THRA: variants seen among roughly 807,000 people sequenced by gnomAD.
The protein encoded by THRA is thyroid hormone receptor alpha, also known as EAR-7.
THRA carries 13 observed loss-of-function variants against 45.0 expected under a neutral mutation model. That is an observed-to-expected ratio of 0.29 (90% confidence interval 0.19 to 0.46). The LOEUF (loss-of-function observed/expected upper bound fraction) is 0.46. THRA is among the 20% of genes least tolerant of loss of function. The pLI is 1.00. For synonymous variants in THRA, 195 were observed against 214.0 expected (o/e 0.91, Z 0.78); for missense variants, 278 against 556.1 (o/e 0.50, Z 5.03).
chr17:40,090,061 G>C lies in THRA; in HGVS notation c.*605G>C. ...GAGAAAAATACAAAAAAGAGAGAGC[G>C]AGCGATAGAGAGAGATGATATTAAG... On this transcript the variant is annotated 3_prime_UTR_variant, in exon 9 of 9. Transcript: ENST00000450525. 1.0e-6 allele frequency: 1 copy of C among 981,048 alleles called. No individual in the cohort carries two copies. Among genetic ancestry groups the C allele is most frequent in the Non-Finnish European group, 1.2e-6 (1 of 825,428 alleles). The allele number at this position is 981,048 out of a possible 1,614,324, so 60.8% of individuals were successfully genotyped here.
At chr17:40,065,806 C>T (rs1051505481) in intron 1 of THRA, among the ~76,000 whole-genome samples, 12 of 152,214 alleles carry the variant, frequency 7.9e-5, no homozygotes, top group Admixed American at 7.8e-4. Context: ...CATGCTGACC[C>T]CTCGGGCCTG....
At chr17:40,083,795 C>T (rs758361704) in intron 4 of THRA, 40 bp from the exon 5 acceptor site, 7 of 1,557,888 alleles carry the variant, frequency 4.5e-6, no homozygotes, top group African/African-American at 4.1e-5. Flanking sequence ...AAGGGGAAGC[C>T]ATGTCATGAT....
intron 7 of THRA, among the ~76,000 whole-genome samples, chr17:40,087,365 C>A (rs554928032): frequency 6.8e-6 from 1 of 145,992 alleles, no homozygotes; most frequent in East Asian, 2.1e-4. Flanking sequence ...GATACATAGA[C>A]ACACACCTAG....
intron 8 of THRA, among the ~76,000 whole-genome samples, chr17:40,088,943 C>A (rs1054085964): frequency 4.0e-5 from 6 of 150,012 alleles, no homozygotes; most frequent in Non-Finnish European, 7.4e-5. Flanking sequence ...CTCTCTCCCC[C>A]AGCCCCCGGC....
chr17:40,068,419 C>T (rs1213177048), intron 1 of THRA, among the ~76,000 whole-genome samples: 1 of 152,262 alleles, frequency 6.6e-6, no homozygotes, highest in African/African-American at 2.4e-5. Context: ...AGACAGTTCT[C>T]AGTCTCTCAC....
intron 1 of THRA, among the ~76,000 whole-genome samples, chr17:40,069,776 A>G (rs926133352): frequency 2.0e-5 from 3 of 151,970 alleles, no homozygotes; most frequent in African/African-American, 7.3e-5. Context: ...ACCACCCACC[A>G]GTGGTCATGG....
chr17:40,087,206 GACACAC>G (rs142111613), intron 7 of THRA, among the ~76,000 whole-genome samples: 1 of 102,322 alleles, frequency 9.8e-6, no homozygotes, highest in African/African-American at 3.8e-5. Flanking sequence ...CCAGCACACA[GACACAC>G]ACACACACAC....
intron 2 of THRA, among the ~76,000 whole-genome samples, chr17:40,074,855 G>C (rs1457130812): frequency 6.6e-6 from 1 of 152,202 alleles, no homozygotes; most frequent in Non-Finnish European, 1.5e-5. Context: ...CCCTTACCTT[G>C]AGCATGTGGG....
chr17:40,084,916 C>A, intron 6 of THRA, 101 bp downstream of exon 6: 2 of 1,321,040 alleles, frequency 1.5e-6, no homozygotes, highest in Non-Finnish European at 2.1e-6. Flanking sequence ...TTAGTGTAAT[C>A]CAACCCAAAA....
intron 1 of THRA, among the ~76,000 whole-genome samples, chr17:40,068,140 A>C (rs1375850208): frequency 1.3e-5 from 2 of 152,204 alleles, no homozygotes; most frequent in Admixed American, 6.5e-5. Flanking sequence ...GGAGGCAAGC[A>C]TGACCGTGGT....
In THRA at chr17:40,089,826, C is replaced by A; in HGVS notation, c.*370C>A. The A allele has an allele frequency of 9.0e-7, 1 of 1,109,662 alleles. No homozygotes were observed. The highest frequency in any genetic ancestry group is 1.1e-6 in the Non-Finnish European group (1 of 903,836). 68.7% of individuals were successfully genotyped at this position (1,109,662 alleles called of 1,614,324 possible). On this transcript the variant is annotated 3_prime_UTR_variant, in exon 9 of 9. Coordinates refer to ENST00000450525, the MANE Select transcript of THRA (RefSeq NM_199334.5). This position sits in a 1 kb window ranked among gnomAD's most constrained non-coding sequence, Gnocchi z 6.1. ...GCTGGGGGAAGATGCCCTCAACTCACCCCCTACACACACATGAGAGAGAGC... is the reference window on the plus strand; with the variant it reads ...GCTGGGGGAAGATGCCCTCAACTCAACCCCTACACACACATGAGAGAGAGC...
chr17:40,062,807 G>A, upstream of THRA: 1 of 143,740 alleles, frequency 7.0e-6, no homozygotes, highest in African/African-American at 2.5e-5. Flanking sequence ...GGCGGGCGGC[G>A]GCGAGGCGGC....
rs557089756 is a variant in THRA at position 40,081,975 on chromosome 17, AAAATT to A, written c.223-1851_223-1847del. Among the ~76,000 whole-genome samples, 785 of 152,150 alleles carry A rather than the reference AAAATT, an allele frequency of 5.2e-3. 8 individuals are homozygous for A. The highest frequency in any genetic ancestry group is 0.018 in the African/African-American group (751 of 41,528). On this transcript the variant is annotated intron_variant, in intron 4 of 8. Coordinates refer to ENST00000450525, the MANE Select transcript of THRA (RefSeq NM_199334.5). ...GAAACTTCATCTCAAAAAGAAAAAA[AAAATT>A]AAATTAAAAAAATAAAATAAAGGTG...
Position 40,086,814 on chromosome 17 carries a change from T to C in THRA, c.684T>C (p.Arg228=), listed in dbSNP as rs768125530. The C allele has an allele frequency of 5.6e-6, 9 of 1,614,102 alleles. No individual in the cohort carries two copies. The South Asian group carries it at 8.8e-5, about 16-fold the overall frequency. ...AGATCATCACCCCGGCCATCACCCG[T>C]GTGGTGGACTTTGCCAAAAAACTGC... ...FTKIITPAIT[R]VVDFAKKLPM... Residue 228 remains arginine, a synonymous_variant, in exon 7 of 9, where the codon CGT becomes CGC. Coordinates refer to ENST00000450525, the MANE Select transcript of THRA (RefSeq NM_199334.5).
chr17:40,086,716 A>T lies in THRA; in HGVS notation c.586A>T (p.Ile196Phe). 6.2e-7 allele frequency: 1 copy of T among 1,614,010 alleles called. No homozygotes were observed. Among genetic ancestry groups the T allele is most frequent in the Non-Finnish European group, 8.5e-7 (1 of 1,179,964 alleles). The change falls in exon 7 of 9, where the codon ATT (isoleucine) becomes TTT (phenylalanine). Residue 196 changes from isoleucine (I) to phenylalanine (F), a missense_variant. Ile to Phe is a conservative substitution (Grantham distance 21). This residue lies in a region of THRA where 111 missense variants were observed against 167.1 expected (regional missense o/e 0.66). Transcript: ENST00000450525. ...KQRRKFLPDD[I>F]GQSPIVSMPD... is the part of the protein sequence containing the mutation. ...CCGTCTTTCTCTCTAGCCCGATGACATTGGCCAGTCACCCATTGTCTCCAT... is the reference window on the plus strand; with the variant it reads ...CCGTCTTTCTCTCTAGCCCGATGACTTTGGCCAGTCACCCATTGTCTCCAT...
intron 1 of THRA, among the ~76,000 whole-genome samples, chr17:40,072,569 A>C (rs761196009): frequency 7.2e-5 from 11 of 152,094 alleles, no homozygotes. Context: ...AGACACCCAG[A>C]CCCGGAGAGA....
chr17:40,078,566 G>A (rs1364387663), intron 4 of THRA, among the ~76,000 whole-genome samples: 1 of 152,178 alleles, frequency 6.6e-6, no homozygotes. Flanking sequence ...CATTCATTCA[G>A]TGTATTCTTA....
chr17:40,073,278 G>T (rs1381655942), intron 1 of THRA, among the ~76,000 whole-genome samples: 1 of 152,212 alleles, frequency 6.6e-6, no homozygotes, highest in Non-Finnish European at 1.5e-5. Context: ...GAGGTGCAAT[G>T]CCGTAGGAAT....
At chr17:40,072,912 G>T (rs1035049263) in intron 1 of THRA, among the ~76,000 whole-genome samples, 1 of 152,132 alleles carries the variant, frequency 6.6e-6, no homozygotes, top group Non-Finnish European at 1.5e-5. Flanking sequence ...CCAGTCTCCT[G>T]TCCAGCCCCC....
Sources: allele counts gnomAD v4.1 joint callset (sites outside exome capture counted in the v4.1 genomes callset), GRCh38; gene constraint gnomAD v4.1.1; regional missense constraint gnomAD v4.1.1; non-coding constraint Gnocchi (gnomAD v3.1); transcripts MANE v1.5; gene names NCBI Gene and HGNC (gene_info 2026-07-23, HGNC 2026-07-21).